CCDC170: variants seen among roughly 807,000 people sequenced by gnomAD.
CCDC170 encodes coiled-coil domain-containing protein 170.
A neutral mutation model predicts 72.6 loss-of-function variants in CCDC170; 69 were observed. That is an observed-to-expected ratio of 0.95 (90% CI 0.78 to 1.16). The LOEUF (loss-of-function observed/expected upper bound fraction) is 1.16. Among genes scored for constraint, CCDC170 ranks in the 50% most tolerant of loss-of-function variants. The probability of loss-of-function intolerance (pLI) is 0.00; values close to 1 mark genes in which losing one functional copy is unlikely to be tolerated. For missense variants in CCDC170, 852 were observed against 832.5 expected, an observed-to-expected ratio of 1.02 and a Z score of -0.29; for synonymous variants, 300 against 303.9, an observed-to-expected ratio of 0.99 and a Z score of 0.13.
intron 4 of CCDC170, among the ~76,000 whole-genome samples, chr6:151,546,933 G>A (rs879038324): frequency 2.0e-5 from 3 of 151,408 alleles, no homozygotes; most frequent in Admixed American, 6.6e-5. Flanking sequence ...TATATTTCAC[G>A]ACACAGGGTA....
chr6:151,594,690 C>T (rs1372625174), intron 8 of CCDC170, among the ~76,000 whole-genome samples: 4 of 150,170 alleles, frequency 2.7e-5, no homozygotes, highest in South Asian at 2.1e-4. Context: ...TCACTCTTGT[C>T]GCCCAGGCTG....
At chr6:151,560,911 T>C (rs1035279930) in intron 5 of CCDC170, among the ~76,000 whole-genome samples, 5 of 152,108 alleles carry the variant, frequency 3.3e-5, no homozygotes, top group Non-Finnish European at 7.4e-5. Context: ...TTTAATCCAA[T>C]TTACCACTCT....
chr6:151,501,510 TAA>T (rs919508723), intron 1 of CCDC170, among the ~76,000 whole-genome samples: 62 of 152,184 alleles, frequency 4.1e-4, no homozygotes, highest in African/African-American at 1.5e-3. Context: ...TATTTCAGAA[TAA>T]AAAAGTCTCA....
chr6:151,574,337 C>T lies in CCDC170; in HGVS notation c.1092+846C>T, dbSNP rs577077809. Among the ~76,000 whole-genome samples the T allele has an allele frequency of 9.2e-5, 14 of 152,334 alleles. 1 individual carries two copies. The South Asian group carries it at 2.5e-3, about 27-fold the overall frequency. On this transcript the variant is annotated intron_variant, in intron 6 of 10. Coordinates refer to ENST00000239374, the MANE Select transcript of CCDC170 (RefSeq NM_025059.4). ...GTTGGACCTGCCTGGTGCTGAATCC[C>T]GTCTCTGCTGTACATTCACTCACTG...
chr6:151,615,557 G>A lies in CCDC170; in HGVS notation c.1825G>A (p.Asp609Asn). 6.2e-7 allele frequency: 1 copy of A among 1,613,996 alleles called. No individual in the cohort carries two copies. ...GCTCATGTCTGTCAAGTCAGAACTG[G>A]ATACCACAGAACATGAGGCTAAGGA... is the stretch of plus-strand genomic sequence containing the variant. ...KKLMSVKSELDTTEHEAKENK... is the reference protein window; with the variant it reads ...KKLMSVKSELNTTEHEAKENK... Residue 609 changes from aspartate (D) to asparagine (N), a missense_variant, in exon 10 of 11, where the codon GAT becomes AAT. By Grantham distance (23) the Asp-to-Asn change is conservative. Coordinates refer to ENST00000239374, the MANE Select transcript of CCDC170 (RefSeq NM_025059.4).
chr6:151,544,465 T>G (rs1782741018), intron 3 of CCDC170, 107 bp from the exon 4 acceptor site: 2 of 1,104,174 alleles, frequency 1.8e-6, no homozygotes, highest in African/African-American at 3.1e-5. Context: ...CTGTGTTGTG[T>G]TGAAAATGAC....
intron 10 of CCDC170, among the ~76,000 whole-genome samples, chr6:151,616,518 C>T (rs73617538): frequency 8.2e-4 from 125 of 151,626 alleles, no homozygotes; most frequent in African/African-American, 2.9e-3. Context: ...CAAGCAGAGA[C>T]GGGGAAAGCC....
intron 6 of CCDC170, among the ~76,000 whole-genome samples, chr6:151,582,365 A>C (rs1199774665): frequency 2.0e-5 from 3 of 152,168 alleles, no homozygotes; most frequent in Non-Finnish European, 2.9e-5. Flanking sequence ...AATCTCTACT[A>C]GTTTCAAACT....
rs185720019 is a variant in CCDC170 at position 151,540,245 on chromosome 6, G to A, written c.443+1944G>A. 1.9e-3 allele frequency among the ~76,000 whole-genome samples: 288 copies of A among 152,026 alleles called. 1 individual carries two copies. The highest frequency in any genetic ancestry group is 6.4e-3 in the African/African-American group (266 of 41,494). On this transcript the variant is annotated intron_variant, in intron 3 of 10. Transcript: ENST00000239374. The stretch of plus-strand genomic sequence containing the variant: ...GTTCCTGGTGAGGGTCCTCTTTCTG[G>A]TTTGTAGATGAATGCCTTCTTGCTG...
chr6:151,611,838 G>C (rs1018852876), intron 9 of CCDC170, among the ~76,000 whole-genome samples: 2 of 152,114 alleles, frequency 1.3e-5, no homozygotes, highest in Non-Finnish European at 2.9e-5. Flanking sequence ...AGCCTCCTGA[G>C]TAGCCGGGAG....
At chr6:151,595,412 C>G (rs1389630785) in intron 8 of CCDC170, among the ~76,000 whole-genome samples, 1 of 152,084 alleles carries the variant, frequency 6.6e-6, no homozygotes, top group African/African-American at 2.4e-5. Flanking sequence ...ATAATAAAGA[C>G]CAAGAAACCT....
rs1562821552 is a variant in CCDC170 at position 151,504,798 on chromosome 6, AAG to A, written c.57+10614_57+10615del. Among the ~76,000 whole-genome samples, 8 of 151,756 alleles carry A rather than the reference AAG, an allele frequency of 5.3e-5. No individual in the cohort carries two copies. In the East Asian group the frequency reaches 1.5e-3, roughly 29 times the overall value. On this transcript the variant is annotated intron_variant, in intron 1 of 10. Transcript: ENST00000239374. ...AGATTTGGGAGCTACTAGATACTGG[AAG>A]TGGCTGAGATCGCAGGAGGGCATGA...
At chr6:151,586,227 T>G in intron 7 of CCDC170, 138 bp downstream of exon 7, 1 of 814,206 alleles carries the variant, frequency 1.2e-6, no homozygotes, top group Non-Finnish European at 1.9e-6. Flanking sequence ...CAAGGAACAA[T>G]GGGTTTGGAG....
chr6:151,505,770 T>A (rs1782059111), intron 1 of CCDC170, among the ~76,000 whole-genome samples: 1 of 152,190 alleles, frequency 6.6e-6, no homozygotes, highest in Non-Finnish European at 1.5e-5. Flanking sequence ...ATTGTAATTC[T>A]ACTTCTGTTC....
At chr6:151,505,337 T>C (rs1782050900) in intron 1 of CCDC170, among the ~76,000 whole-genome samples, 1 of 152,146 alleles carries the variant, frequency 6.6e-6, no homozygotes, top group African/African-American at 2.4e-5. Context: ...ACACATTCCC[T>C]TTCAGGTGGG....
intron 1 of CCDC170, among the ~76,000 whole-genome samples, chr6:151,502,207 A>C (rs899286997): frequency 2.0e-5 from 3 of 152,218 alleles, no homozygotes; most frequent in African/African-American, 7.2e-5. Context: ...AAGAGTTTAG[A>C]GACTGCAGTG....
chr6:151,501,231 A>C (rs1436145762), intron 1 of CCDC170, among the ~76,000 whole-genome samples: 1 of 152,104 alleles, frequency 6.6e-6, no homozygotes, highest in African/African-American at 2.4e-5. Flanking sequence ...GTTGACCAGG[A>C]CTCTTCAAAA....
At chr6:151,546,997 G>A (rs117927082) in intron 4 of CCDC170, among the ~76,000 whole-genome samples, 68 of 148,634 alleles carry the variant, frequency 4.6e-4, no homozygotes, top group South Asian at 4.2e-4. Flanking sequence ...GTCTTAAGAA[G>A]AAAAAAAAAA....
Position 151,549,734 on chromosome 6 carries a change from T to C in CCDC170, c.774+1245T>C, listed in dbSNP as rs191302685. On this transcript the variant is annotated intron_variant, in intron 5 of 10. Coordinates refer to ENST00000239374, the MANE Select transcript of CCDC170 (RefSeq NM_025059.4). ...GAGCCATTGAGCCCTGCCCCAGTGATTTCTTATATACTCTTCTGGAAATAT... is the reference window on the plus strand; with the variant it reads ...GAGCCATTGAGCCCTGCCCCAGTGACTTCTTATATACTCTTCTGGAAATAT... Among the ~76,000 whole-genome samples, 161 of 152,334 alleles carry C rather than the reference T, an allele frequency of 1.1e-3. 1 individual carries two copies. The highest frequency in any genetic ancestry group is 3.5e-3 in the African/African-American group (145 of 41,588).
Sources: gnomAD v4.1 joint callset for allele counts (sites outside exome capture counted in the v4.1 genomes callset) on GRCh38, gnomAD v4.1.1 for gene constraint, MANE v1.5 for transcripts, NCBI Gene and HGNC (gene_info 2026-07-23, HGNC 2026-07-21) for gene names.